ELAPOR2: variants seen among roughly 807,000 people sequenced by gnomAD.
ELAPOR2 encodes endosome/lysosome-associated apoptosis and autophagy regulator family member 2.
A neutral mutation model predicts 120.7 loss-of-function variants in ELAPOR2; 89 were observed. That is an observed-to-expected ratio of 0.74 (90% CI 0.62 to 0.88). The LOEUF is 0.88. ELAPOR2 is among the 40% of genes least tolerant of loss of function. ELAPOR2 has a pLI of 0.00. For missense variants in ELAPOR2, 1,134 were observed against 1,251.6 expected (o/e 0.91, Z 1.42); for synonymous variants, 444 against 444.9 (o/e 1.00, Z 0.03).
intron 1 of ELAPOR2, among the ~76,000 whole-genome samples, chr7:87,000,344 G>A (rs1328428895): frequency 1.3e-5 from 2 of 152,042 alleles, no homozygotes; most frequent in African/African-American, 4.8e-5. Context: ...TCCTCTGGGT[G>A]GTTTTCTACA....
At chr7:87,054,848 C>G (rs1363571851) in intron 1 of ELAPOR2, among the ~76,000 whole-genome samples, 3 of 152,196 alleles carry the variant, frequency 2.0e-5, no homozygotes, top group Non-Finnish European at 2.9e-5. Flanking sequence ...CTTCAGTCAT[C>G]ATCTTATTTG....
chr7:86,885,095 G>T (rs1037895059), intron 21 of ELAPOR2, among the ~76,000 whole-genome samples: 1 of 152,128 alleles, frequency 6.6e-6, no homozygotes, highest in Non-Finnish European at 1.5e-5. Flanking sequence ...AGATAAATTA[G>T]TATGGTCAGG....
rs878895447 is a variant in ELAPOR2, at chr7:86,891,844, T to A, written c.2910A>T (p.Lys970Asn). ...YSKLVMTTNS[K>N]ECELPAADSC... is the part of the protein sequence containing the mutation. ...TGTCTGCAGCCGGGAGTTCACACTC[T>A]TTTGAGTTAGTCGTCATTACTAACT... Residue 970 changes from lysine to asparagine, a missense_variant, in exon 21 of 22, where the codon AAA becomes AAT. Physicochemically the swap from Lys to Asn is moderately conservative, Grantham distance 94. Transcript: ENST00000450689. 1 of 1,611,194 alleles carries A rather than the reference T, an allele frequency of 6.2e-7. No individual in the cohort carries two copies. The highest frequency in any genetic ancestry group is 1.7e-4 in the Middle Eastern group (1 of 6,038).
At chr7:87,001,502 G>A (rs1793314117) in intron 1 of ELAPOR2, among the ~76,000 whole-genome samples, 1 of 152,138 alleles carries the variant, frequency 6.6e-6, no homozygotes. Context: ...CAGAGGAAGT[G>A]GCATAGTGAG....
rs150076360 is a variant in ELAPOR2 at position 87,011,375 on chromosome 7, A to C, written c.190-46351T>G. ...AAGGAGAGAACCTTTCCTAGACTGA[A>C]TCCATGTCTGTATACCTGAAAATAG... On this transcript the variant is annotated intron_variant, in intron 1 of 21. Transcript: ENST00000450689. Among the ~76,000 whole-genome samples, 243 of 152,294 alleles carry C rather than the reference A, an allele frequency of 1.6e-3. 1 individual carries two copies. The highest frequency in any genetic ancestry group is 5.6e-3 in the African/African-American group (231 of 41,554).
intron 2 of ELAPOR2, among the ~76,000 whole-genome samples, chr7:86,952,249 T>C (rs1286398470): frequency 1.3e-5 from 2 of 152,184 alleles, no homozygotes; most frequent in Admixed American, 1.3e-4. Flanking sequence ...ATAATGAGGA[T>C]TAACTGTGTT....
chr7:86,964,011 T>C (rs1243934895), intron 2 of ELAPOR2, among the ~76,000 whole-genome samples: 1 of 152,220 alleles, frequency 6.6e-6, no homozygotes, highest in East Asian at 1.9e-4. Flanking sequence ...CCAATTATGC[T>C]AAAACTCCTC....
intron 1 of ELAPOR2, among the ~76,000 whole-genome samples, chr7:87,051,124 A>G (rs1269952774): frequency 6.6e-6 from 1 of 152,192 alleles, no homozygotes; most frequent in Non-Finnish European, 1.5e-5. Flanking sequence ...ATTTAAAGCC[A>G]AGAGACTCCC....
chr7:86,892,002 G>C (rs1788189972), intron 20 of ELAPOR2, 113 bp from the exon 21 acceptor site: 1 of 667,176 alleles, frequency 1.5e-6, no homozygotes, highest in Admixed American at 3.2e-5. Flanking sequence ...GAGTATAATT[G>C]CTCCACCAAC....
At chr7:87,002,395 G>T (rs75925586) in intron 1 of ELAPOR2, among the ~76,000 whole-genome samples, 11,473 of 152,168 alleles carry the variant, frequency 0.075, 476 homozygotes, top group Admixed American at 0.11. Context: ...TCTCCTTCTG[G>T]TGGCCATTGC....
intron 10 of ELAPOR2, among the ~76,000 whole-genome samples, chr7:86,924,211 A>G (rs1789954527): frequency 6.6e-6 from 1 of 152,064 alleles, no homozygotes; most frequent in Non-Finnish European, 1.5e-5. Context: ...TATACTTTTC[A>G]TTTAATCATT....
Position 86,914,765 on chromosome 7 carries a change from A to C in ELAPOR2, c.1689T>G (p.Phe563Leu), listed in dbSNP as rs749404642. ...TTCTCTGGAATGCCCATGTAAATGTAAAAGTTGCATTCTTGAAGATGATAT... is the reference window on the plus strand; with the variant it reads ...TTCTCTGGAATGCCCATGTAAATGTCAAAGTTGCATTCTTGAAGATGATAT... ...YTHIIFKNAT[F>L]TFTWAFQRTN... Residue 563 changes from phenylalanine (F) to leucine (L), a missense_variant, in exon 13 of 22, where the codon TTT (phenylalanine) becomes TTG (leucine). By Grantham distance (22) the Phe-to-Leu change is conservative (BLOSUM62 0). Around this residue, in one of 3 missense-constraint regions of ELAPOR2, gnomAD observed 831 missense variants for 867.6 expected, o/e 0.96. Transcript: ENST00000450689. 5.0e-6 allele frequency: 8 copies of C among 1,612,086 alleles called. No individual in the cohort carries two copies. In the East Asian group the frequency reaches 1.8e-4, roughly 36 times the overall value.
chr7:86,902,424 T>A (rs1225311497), intron 18 of ELAPOR2, among the ~76,000 whole-genome samples: 1 of 152,090 alleles, frequency 6.6e-6, no homozygotes, highest in Non-Finnish European at 1.5e-5. Flanking sequence ...GATCCGCCTG[T>A]CTCGGCCTCC....
At chr7:86,916,266 G>A (rs1188336075) in intron 12 of ELAPOR2, among the ~76,000 whole-genome samples, 1 of 152,198 alleles carries the variant, frequency 6.6e-6, no homozygotes, top group African/African-American at 2.4e-5. Flanking sequence ...GCACACTGGA[G>A]AGAGTGGCTA....
chr7:87,020,995 T>TA (rs1794021713), intron 1 of ELAPOR2, among the ~76,000 whole-genome samples: 1 of 152,102 alleles, frequency 6.6e-6, no homozygotes, highest in East Asian at 1.9e-4. Context: ...AAAGAGTTCA[T>TA]ATGTATTAAA....
intron 4 of ELAPOR2, among the ~76,000 whole-genome samples, chr7:86,943,290 T>G (rs1790874841): frequency 8.4e-6 from 1 of 119,278 alleles, no homozygotes. Flanking sequence ...GGCTTCAGCT[T>G]CATCATCATT....
At chr7:87,055,364 T>C (rs1179903057) in intron 1 of ELAPOR2, among the ~76,000 whole-genome samples, 1 of 152,232 alleles carries the variant, frequency 6.6e-6, no homozygotes, top group East Asian at 1.9e-4. Flanking sequence ...GAAGTCCTAC[T>C]ACTGCATCCT....
chr7:86,949,228 T>G (rs1791132597), intron 2 of ELAPOR2, among the ~76,000 whole-genome samples: 1 of 152,174 alleles, frequency 6.6e-6, no homozygotes, highest in Non-Finnish European at 1.5e-5. Context: ...GTCAAAACTG[T>G]CCTAGGACAA....
chr7:86,973,273 T>C (rs1026700536), intron 1 of ELAPOR2, among the ~76,000 whole-genome samples: 7 of 152,220 alleles, frequency 4.6e-5, no homozygotes, highest in Non-Finnish European at 1.5e-5. Context: ...CTCGATCTGC[T>C]GCTTGAAGCT....
Sources: gnomAD v4.1 joint callset for allele counts (sites outside exome capture counted in the v4.1 genomes callset) on GRCh38, gnomAD v4.1.1 for gene constraint, gnomAD v4.1.1 regional missense constraint, MANE v1.5 for transcripts, NCBI Gene and HGNC (gene_info 2026-07-23, HGNC 2026-07-21) for gene names.